STAB1: variants seen among roughly 807,000 people sequenced by gnomAD.
STAB1 encodes stabilin-1.
STAB1 carries 250 observed loss-of-function variants against 332.4 expected under a neutral mutation model. The observed-to-expected ratio is 0.75, with a 90% CI of 0.68 to 0.84. The LOEUF is 0.84. STAB1 is among the 40% of genes least tolerant of loss of function. The probability of loss-of-function intolerance (pLI) is 0.00; values close to 1 mark genes in which losing one functional copy is unlikely to be tolerated. For missense variants in STAB1, 3,249 were observed against 3,489.7 expected, an observed-to-expected ratio of 0.93 and a Z score of 1.74; for synonymous variants, 1,475 against 1,390.4, an observed-to-expected ratio of 1.06 and a Z score of -1.35.
At chr3:52,512,276 G>C in intron 26 of STAB1, 65 bp from the exon 27 acceptor site, 1 of 1,485,624 alleles carries the variant, frequency 6.7e-7, no homozygotes, top group Non-Finnish European at 9.3e-7. Flanking sequence ...GCAGAAAGAT[G>C]GGGGAGGGAG....
chr3:52,521,942 G>A lies in STAB1; in HGVS notation c.6262G>A (p.Val2088Met), dbSNP rs144247661. The A allele has an allele frequency of 1.4e-4, 222 of 1,608,404 alleles. No homozygotes were observed. In the African/African-American group the frequency reaches 2.6e-3, roughly 19 times the overall value. Residue 2088 changes from valine to methionine, a missense_variant, in exon 58 of 69, where the codon GTG becomes ATG. Coordinates refer to ENST00000321725, the MANE Select transcript of STAB1 (RefSeq NM_015136.3). ...CSLGYEGDGR[V>M]CTVADLCQDG... The stretch of plus-strand genomic sequence containing the variant: ...CCTGGGCTATGAAGGGGATGGCCGT[G>A]TGTGTACAGGTAAGCAGATGGGCGG...
At chr3:52,515,999 T>C (rs1203650179) in intron 37 of STAB1, 44 bp from the exon 38 acceptor site, 4 of 1,535,362 alleles carry the variant, frequency 2.6e-6, no homozygotes, top group Non-Finnish European at 3.5e-6. Flanking sequence ...CCCTGACACC[T>C]TGCTGGGCCT....
At position 52,520,626 on chromosome 3, in the gene STAB1, C is replaced by A. The variant is rs2079041051; in HGVS notation, c.5650-16C>A. The stretch of plus-strand genomic sequence containing the variant: ...CATCCACCTGACTTTGCTGTATTGG[C>A]CTCCCTCCCTTCCAGAACACCTGCA... On this transcript the variant is annotated splice_polypyrimidine_tract_variant and intron_variant, in intron 53 of 68. Transcript: ENST00000321725. 2 of 1,612,924 alleles carry A rather than the reference C, an allele frequency of 1.2e-6. No homozygotes were observed. The highest frequency in any genetic ancestry group is 2.7e-5 in the African/African-American group (2 of 75,040).
In STAB1 at chr3:52,502,238, TA is replaced by T; in HGVS notation, c.487+14del. The stretch of plus-strand genomic sequence containing the variant: ...CCTGACTGCCAATCGGGTGAGTGCT[TA>T]AAAGGCAAGAGGGCACGGCCAGCGT... On this transcript the variant is annotated intron_variant, in intron 5 of 68. Transcript: ENST00000321725. 1.9e-6 allele frequency: 3 copies of T among 1,609,686 alleles called. No individual in the cohort carries two copies. The highest frequency in any genetic ancestry group is 8.5e-7 in the Non-Finnish European group (1 of 1,179,874).
chr3:52,522,481 C>T lies in STAB1; in HGVS notation c.6610+7C>T, dbSNP rs945118770. 3.7e-6 allele frequency: 6 copies of T among 1,612,970 alleles called. No homozygotes were observed. In the African/African-American group the frequency reaches 4.0e-5, roughly 11 times the overall value. ...ACTGACCTGCACTTCCAGGGTGTGTCCCCCTGCCCACTCCCAGTACCCATT... is the reference window on the plus strand; with the variant it reads ...ACTGACCTGCACTTCCAGGGTGTGTTCCCCTGCCCACTCCCAGTACCCATT... On this transcript the variant is annotated splice_region_variant and intron_variant, in intron 60 of 68. Transcript: ENST00000321725.
chr3:52,524,098 A>G lies in STAB1; in HGVS notation c.7543-2A>G. ...CGCCACTCACCCCTCTGCTGCTCCCAGGCGGAAGATGATGCTGATGACGAC... is the reference window on the plus strand; with the variant it reads ...CGCCACTCACCCCTCTGCTGCTCCCGGGCGGAAGATGATGCTGATGACGAC... On this transcript the variant is annotated splice_acceptor_variant, in intron 67 of 68. Coordinates refer to ENST00000321725, the MANE Select transcript of STAB1 (RefSeq NM_015136.3). LOFTEE classifies it high-confidence loss of function. 6.2e-7 allele frequency: 1 copy of G among 1,613,402 alleles called. No individual in the cohort carries two copies. Among genetic ancestry groups the G allele is most frequent in the South Asian group, 1.1e-5 (1 of 91,082 alleles).
Position 52,516,111 on chromosome 3 carries a change from G to A in STAB1, c.4017G>A (p.Val1339=), listed in dbSNP as rs963852124. Residue 1339 remains valine (V), a synonymous_variant, in exon 38 of 69, where the codon GTG becomes GTA. Coordinates refer to ENST00000321725, the MANE Select transcript of STAB1 (RefSeq NM_015136.3). ...CEPCPGGLGG[V]CSGHGQCQDR... ...CATGCCCAGGGGGTCTAGGGGGGGT[G>A]TGCTCAGGCCATGGGCAGTGCCAGG... 10 of 1,611,800 alleles carry A rather than the reference G, an allele frequency of 6.2e-6. No homozygotes were observed. The highest frequency in any genetic ancestry group is 7.6e-6 in the Non-Finnish European group (9 of 1,179,560).
chr3:52,506,941 A>G, intron 18 of STAB1, 91 bp downstream of exon 18: 1 of 1,539,936 alleles, frequency 6.5e-7, no homozygotes, highest in South Asian at 1.3e-5. Context: ...GCGCTAAGTC[A>G]GGGCTGGGCT....
intron 32 of STAB1, 45 bp downstream of exon 32, chr3:52,514,026 T>G: frequency 3.1e-6 from 5 of 1,594,022 alleles, no homozygotes; most frequent in East Asian, 2.2e-5. Context: ...CGGGGGACAC[T>G]GTGCCCCAGG....
intron 42 of STAB1, 33 bp downstream of exon 42, chr3:52,517,142 GGGCTAGGGGTCT>G (rs1559708679): frequency 6.6e-7 from 1 of 1,518,198 alleles, no homozygotes; most frequent in African/African-American, 1.4e-5. Flanking sequence ...GGTTTATGTT[GGGCTAGGGGTCT>G]GGCTTCAGTG....
chr3:52,495,723 T>C (rs952115844), intron 1 of STAB1, among the ~76,000 whole-genome samples: 11 of 150,492 alleles, frequency 7.3e-5, no homozygotes, highest in African/African-American at 2.8e-4. Flanking sequence ...CCTCTGACTA[T>C]GCGGGGCCGG....
Position 52,512,649 on chromosome 3 carries a change from A to C in STAB1, c.3027+6A>C. On this transcript the variant is annotated splice_donor_region_variant and intron_variant, in intron 28 of 68. Transcript: ENST00000321725. Reference sequence around the variant, plus strand: ...TCTTCTACCAATGGCTTAAGGTAGGACAGGGCAGAATGCTGGGGTTGAGGG... The same window carrying C: ...TCTTCTACCAATGGCTTAAGGTAGGCCAGGGCAGAATGCTGGGGTTGAGGG... 1 of 1,613,618 alleles carries C rather than the reference A, an allele frequency of 6.2e-7. No individual in the cohort carries two copies.
intron 1 of STAB1, among the ~76,000 whole-genome samples, chr3:52,496,853 G>A (rs1297859757): frequency 6.6e-6 from 1 of 152,216 alleles, no homozygotes; most frequent in Non-Finnish European, 1.5e-5. Context: ...CTCTAACACA[G>A]CTACGTGGCC....
intron 43 of STAB1, 37 bp downstream of exon 43, chr3:52,517,430 ATGCCCTCACAGGATG>A: frequency 6.3e-7 from 1 of 1,577,854 alleles, no homozygotes; most frequent in Non-Finnish European, 8.6e-7. Flanking sequence ...GCATCATGCC[ATGCCCTCACAGGATG>A]GGGCCTCCCT....
intron 33 of STAB1, 40 bp from the exon 34 acceptor site, chr3:52,514,325 G>A (rs1422985563): frequency 6.4e-7 from 1 of 1,562,440 alleles, no homozygotes; most frequent in Non-Finnish European, 8.7e-7. Context: ...AGGGCACTTG[G>A]TTATCCTGCA....
rs2079029334 is a variant in STAB1, at chr3:52,520,268, T to C, written c.5477T>C (p.Phe1826Ser). The stretch of plus-strand genomic sequence containing the variant: ...ACCATGCATGGGACCCCCATCTCTT[T>C]CTCCTGCAGCCGAACGCGGGCCGTG... ...LRTMHGTPIS[F>S]SCSRTRAGEL... is the part of the protein sequence containing the mutation. The change falls in exon 52 of 69, where the codon TTC (phenylalanine) becomes TCC (serine). Residue 1826 changes from phenylalanine (F) to serine (S), a missense_variant. By Grantham distance (155) the Phe-to-Ser change is radical. Coordinates refer to ENST00000321725, the MANE Select transcript of STAB1 (RefSeq NM_015136.3). 6.2e-7 allele frequency: 1 copy of C among 1,612,968 alleles called. No homozygotes were observed. The highest frequency in any genetic ancestry group is 1.3e-5 in the African/African-American group (1 of 74,938).
At chr3:52,499,634 T>A (rs548382168) in intron 1 of STAB1, among the ~76,000 whole-genome samples, 25 of 150,590 alleles carry the variant, frequency 1.7e-4, no homozygotes, top group South Asian at 1.3e-3. Context: ...GCGCGGTGGC[T>A]CACGCCTGTA....
chr3:52,502,499 C>T (rs1218439715), intron 5 of STAB1, 133 bp from the exon 6 acceptor site: 1 of 860,210 alleles, frequency 1.2e-6, no homozygotes, highest in Non-Finnish European at 1.8e-6. Context: ...TGTGGTCCCG[C>T]ATCACAGCTC....
chr3:52,501,820 C>G (rs998868606), intron 3 of STAB1, 67 bp downstream of exon 3: 14 of 1,455,064 alleles, frequency 9.6e-6, no homozygotes, highest in Non-Finnish European at 1.3e-5. Context: ...AAGCCCTCTG[C>G]AGGAGCCACC....
Sources: gnomAD v4.1 joint callset for allele counts (sites outside exome capture counted in the v4.1 genomes callset) on GRCh38, gnomAD v4.1.1 for gene constraint, MANE v1.5 for transcripts, NCBI Gene and HGNC (gene_info 2026-07-23, HGNC 2026-07-21) for gene names.